The following TLL2 variants were observed in gnomAD, a reference collection of about 807,000 sequenced individuals.
The protein encoded by TLL2 is tolloid-like protein 2.
Under a neutral mutation model 123.0 loss-of-function variants are expected in TLL2, and 106 were observed. The observed-to-expected ratio is 0.86, with a 90% CI of 0.74 to 1.01. The LOEUF is 1.01. Ranked by LOEUF, TLL2 falls within the 50% of genes least tolerant of loss-of-function variation. The pLI is 0.00. For missense variants in TLL2, 1,332 were observed against 1,336.7 expected (o/e 1.00, Z 0.06); for synonymous variants, 494 against 516.8 (o/e 0.96, Z 0.60).
chr10:96,393,661 T>C (rs1051963289), intron 13 of TLL2, among the ~76,000 whole-genome samples: 1 of 152,086 alleles, frequency 6.6e-6, no homozygotes, highest in Non-Finnish European at 1.5e-5. Context: ...AAGGCTGTCA[T>C]ATCTTCCCTG....
chr10:96,392,900 A>G (rs1210856098), intron 13 of TLL2, among the ~76,000 whole-genome samples: 3 of 152,206 alleles, frequency 2.0e-5, no homozygotes, highest in African/African-American at 7.2e-5. Flanking sequence ...GGTGGGCTCA[A>G]TGTCAACACC....
At chr10:96,476,734 A>G (rs1589432268) in intron 2 of TLL2, among the ~76,000 whole-genome samples, 1 of 152,086 alleles carries the variant, frequency 6.6e-6, no homozygotes, top group African/African-American at 2.4e-5. Context: ...TTGAATCACT[A>G]CTGCCGTTAA....
At chr10:96,512,949 G>T (rs1194508078) in intron 1 of TLL2, among the ~76,000 whole-genome samples, 2 of 152,358 alleles carry the variant, frequency 1.3e-5, no homozygotes, top group Middle Eastern at 3.4e-3. Context: ...GGCCGGTACC[G>T]CTACAGGGAA....
intron 2 of TLL2, among the ~76,000 whole-genome samples, chr10:96,452,635 A>G (rs1033057164): frequency 6.6e-6 from 1 of 152,208 alleles, no homozygotes; most frequent in Non-Finnish European, 1.5e-5. Flanking sequence ...CAGCTAGTCA[A>G]TGATTGAATG....
chr10:96,512,587 A>G (rs1349086514), intron 1 of TLL2, among the ~76,000 whole-genome samples: 1 of 152,108 alleles, frequency 6.6e-6, no homozygotes, highest in Admixed American at 6.5e-5. Flanking sequence ...GATAAACACC[A>G]CTACTCGCGG....
At chr10:96,468,116 T>A (rs1418395566) in intron 2 of TLL2, among the ~76,000 whole-genome samples, 1 of 151,610 alleles carries the variant, frequency 6.6e-6, no homozygotes, top group African/African-American at 2.4e-5. Context: ...ACCAGAAGCT[T>A]CTCCCTCATT....
chr10:96,433,446 G>A (rs1298991213), intron 3 of TLL2, among the ~76,000 whole-genome samples: 1 of 152,164 alleles, frequency 6.6e-6, no homozygotes, highest in Non-Finnish European at 1.5e-5. Context: ...CGTGGGAAAA[G>A]CAGACCCTCA....
At chr10:96,476,108 G>T (rs1455541582) in intron 2 of TLL2, among the ~76,000 whole-genome samples, 1 of 151,168 alleles carries the variant, frequency 6.6e-6, no homozygotes, top group Non-Finnish European at 1.5e-5. Flanking sequence ...CTAATACACA[G>T]AGGCACTTAC....
chr10:96,378,785 G>T (rs1846159691), intron 17 of TLL2, among the ~76,000 whole-genome samples, 182 bp downstream of exon 17: 1 of 152,214 alleles, frequency 6.6e-6, no homozygotes. Context: ...GCCCCCAGGT[G>T]CCTCCTGAAG....
chr10:96,476,223 T>TATATATATATAC (rs1847245288), intron 2 of TLL2, among the ~76,000 whole-genome samples: 1 of 9,110 alleles, frequency 1.1e-4, no homozygotes, highest in Non-Finnish European at 7.7e-4. Flanking sequence ...ATTTTATATG[T>TATATATATATAC]ATATATATAT....
chr10:96,410,585 G>A (rs748877016), intron 8 of TLL2, 111 bp from the exon 9 acceptor site: 15 of 809,416 alleles, frequency 1.9e-5, no homozygotes, highest in South Asian at 4.3e-5. Context: ...CAAAGCCCTC[G>A]GAACAGGTTG....
intron 18 of TLL2, among the ~76,000 whole-genome samples, chr10:96,375,605 G>T (rs901985290): frequency 6.6e-6 from 1 of 152,192 alleles, no homozygotes; most frequent in Non-Finnish European, 1.5e-5. Context: ...TCTTAGCAGA[G>T]CAGCAGTTTC....
intron 1 of TLL2, among the ~76,000 whole-genome samples, chr10:96,508,647 T>A (rs1442977926): frequency 6.6e-6 from 1 of 152,082 alleles, no homozygotes; most frequent in Non-Finnish European, 1.5e-5. Context: ...TTGAGCCTCA[T>A]GTAGACAATT....
intron 1 of TLL2, among the ~76,000 whole-genome samples, chr10:96,506,503 C>T (rs1429512915): frequency 1.7e-4 from 26 of 151,036 alleles, no homozygotes; most frequent in Non-Finnish European, 1.5e-5. Flanking sequence ...CATGAGATGC[C>T]CTGCTGACCT....
At chr10:96,385,526 G>A (rs1359193869) in intron 15 of TLL2, among the ~76,000 whole-genome samples, 1 of 152,140 alleles carries the variant, frequency 6.6e-6, no homozygotes, top group African/African-American at 2.4e-5. Flanking sequence ...GCTCAGCTGG[G>A]GTGGGGAGGG....
intron 9 of TLL2, among the ~76,000 whole-genome samples, chr10:96,406,900 CAGCTCTTT>C (rs1189384824): frequency 6.6e-6 from 1 of 152,098 alleles, no homozygotes; most frequent in Non-Finnish European, 1.5e-5. Context: ...ATCCATGCTG[CAGCTCTTT>C]TTAAGATATC....
In TLL2 at chr10:96,379,085, G is replaced by A. The variant is rs144466170; in HGVS notation, c.2202C>T (p.Asp734=). The A allele has an allele frequency of 3.0e-5, 49 of 1,613,908 alleles. No individual in the cohort carries two copies. Among genetic ancestry groups the A allele is most frequent in the Admixed American group, 8.3e-5 (5 of 60,006 alleles). ...ACCCGCCGTTGTCCTTGGCACACTC[G>A]TCCTTATCTGGGGAGATCAATGAAC... The part of the protein sequence containing the change: ...GFRAHFFSDK[D]ECAKDNGGCQ... Residue 734 remains aspartate (D), a synonymous_variant, in exon 17 of 21, where the codon GAC becomes GAT. Transcript: ENST00000357947.
intron 3 of TLL2, among the ~76,000 whole-genome samples, chr10:96,442,334 G>C (rs1464343690): frequency 2.6e-5 from 4 of 152,172 alleles, no homozygotes; most frequent in African/African-American, 9.7e-5. Context: ...GTGGTGGAAG[G>C]GGGGCAAGTT....
Position 96,386,192 on chromosome 10 carries a change from T to C in TLL2, c.1876A>G (p.Lys626Glu). 6.2e-7 allele frequency: 1 copy of C among 1,601,656 alleles called. No homozygotes were observed. The highest frequency in any genetic ancestry group is 8.5e-7 in the Non-Finnish European group (1 of 1,173,322). Residue 626 changes from lysine (K) to glutamate (E), a missense_variant, in exon 15 of 21, where the codon AAG (lysine) becomes GAG (glutamate). By Grantham distance (56) the Lys-to-Glu change is moderately conservative. Transcript: ENST00000357947. ...CEVACGGFIT[K>E]LNGTITSPGW... ...GGGCTGGTGATGGTTCCATTCAGCT[T>C]GGTAATGAAACCGCCACAGGCCACT...
Sources: allele counts gnomAD v4.1 joint callset (sites outside exome capture counted in the v4.1 genomes callset), GRCh38; gene constraint gnomAD v4.1.1; transcripts MANE v1.5; gene names NCBI Gene and HGNC (gene_info 2026-07-23, HGNC 2026-07-21).